Variants in MAP2K2 observed in about 807,000 individuals in gnomAD.
The protein encoded by MAP2K2 is mitogen-activated protein kinase kinase 2.
A neutral mutation model predicts 43.7 loss-of-function variants in MAP2K2; 24 were observed. That is an observed-to-expected ratio of 0.55 (90% CI 0.40 to 0.77). The LOEUF is 0.77. Ranked by LOEUF, MAP2K2 falls within the 30% of genes least tolerant of loss-of-function variation. The probability of loss-of-function intolerance (pLI) is 0.00; values close to 1 mark genes in which losing one functional copy is unlikely to be tolerated. For synonymous variants in MAP2K2, 244 were observed against 239.7 expected, an observed-to-expected ratio of 1.02 and a Z score of -0.17; for missense variants, 470 against 566.8, an observed-to-expected ratio of 0.83 and a Z score of 1.73.
chr19:4,097,328 C>G lies in MAP2K2; in HGVS notation c.935G>C (p.Ser312Thr). Reference protein sequence around the residue: ...GRPVSGHGMDSRPAMAIFELL... With the variant: ...GRPVSGHGMDTRPAMAIFELL... The stretch of plus-strand genomic sequence containing the variant: ...TTCAAAGATGGCCATGGCAGGCCGG[C>G]TATCCATCCCGTGACCTGCACAGGG... Residue 312 changes from serine to threonine, a missense_variant, in exon 8 of 11, where the codon AGC becomes ACC. Ser to Thr is a moderately conservative substitution (Grantham distance 58). This residue lies in a region of MAP2K2 where 212 missense variants were observed against 220.8 expected (regional missense o/e 0.96). Transcript: ENST00000262948. 1 of 1,613,114 alleles carries G rather than the reference C, an allele frequency of 6.2e-7. No homozygotes were observed. The highest frequency in any genetic ancestry group is 8.5e-7 in the Non-Finnish European group (1 of 1,179,824).
chr19:4,092,261 C>A (rs2145038707), intron 10 of MAP2K2, among the ~76,000 whole-genome samples: 1 of 152,260 alleles, frequency 6.6e-6, no homozygotes, highest in East Asian at 1.9e-4. Context: ...TTGGCTAGGT[C>A]CAGGATACCC....
chr19:4,119,477 C>T (rs958429455), intron 1 of MAP2K2, among the ~76,000 whole-genome samples: 9 of 152,150 alleles, frequency 5.9e-5, no homozygotes, highest in Admixed American at 5.2e-4. Context: ...CCACCTTGGC[C>T]TCCCAAAGTG....
At chr19:4,112,258 G>A (rs1211987132) in intron 2 of MAP2K2, among the ~76,000 whole-genome samples, 2 of 152,230 alleles carry the variant, frequency 1.3e-5, no homozygotes, top group African/African-American at 2.4e-5. Flanking sequence ...GGGTCAGGAC[G>A]GGAACAGGAA....
At chr19:4,096,964 T>A (rs1272792629) in intron 8 of MAP2K2, among the ~76,000 whole-genome samples, 2 of 148,988 alleles carry the variant, frequency 1.3e-5, no homozygotes, top group East Asian at 2.0e-4. Context: ...TGCTTGAACC[T>A]GGGAGGCGGA....
chr19:4,097,469 G>A (rs988861355), intron 7 of MAP2K2, 126 bp from the exon 8 acceptor site: 8 of 730,934 alleles, frequency 1.1e-5, no homozygotes, highest in African/African-American at 8.7e-5. Flanking sequence ...AATTGGAGGC[G>A]GGTGTGCAGA....
At chr19:4,120,470 C>A (rs552293841) in intron 1 of MAP2K2, among the ~76,000 whole-genome samples, 4 of 152,142 alleles carry the variant, frequency 2.6e-5, no homozygotes, top group African/African-American at 9.7e-5. Context: ...TGCATCACCG[C>A]GCTCAGCTAA....
rs2041205513 is a variant in MAP2K2 at position 4,115,259 on chromosome 19, G to A, written c.303+2160C>T. On this transcript the variant is annotated intron_variant, in intron 2 of 10. Transcript: ENST00000262948. The surrounding 1 kb of genome is among the most constrained non-coding windows in gnomAD (Gnocchi z 4.1). ...CAGACCACAGAACCTGCCCAGCCAC[G>A]CCTGCCCTCAGGTTCAAAGGCCCCG... is the stretch of plus-strand genomic sequence containing the variant. Among the ~76,000 whole-genome samples the A allele has an allele frequency of 6.6e-6, 1 of 152,180 alleles. No homozygotes were observed. The highest frequency in any genetic ancestry group is 6.5e-5 in the Admixed American group (1 of 15,284).
chr19:4,107,134 C>T (rs1442779521), intron 3 of MAP2K2, among the ~76,000 whole-genome samples: 2 of 152,070 alleles, frequency 1.3e-5, no homozygotes, highest in Non-Finnish European at 2.9e-5. Flanking sequence ...GGTGGCTCAC[C>T]CCTGTAATCC....
At chr19:4,100,662 G>A (rs350910) in intron 6 of MAP2K2, 229,508 of 306,912 alleles carry the variant, frequency 0.75, 86,805 homozygotes, top group East Asian at 0.93. Context: ...CAAAAGATTA[G>A]TAAATTAACA....
intron 2 of MAP2K2, among the ~76,000 whole-genome samples, chr19:4,116,285 CTT>C (rs1395792034): frequency 6.6e-6 from 1 of 152,174 alleles, no homozygotes; most frequent in Non-Finnish European, 1.5e-5. Context: ...AATCCTAGCA[CTT>C]TGGGAGGCCG....
At chr19:4,110,474 G>A (rs2041139309) in intron 3 of MAP2K2, 35 bp downstream of exon 3, 2 of 1,610,184 alleles carry the variant, frequency 1.2e-6, no homozygotes, top group Admixed American at 3.3e-5. Context: ...GTTCCGTGGA[G>A]GCCCTGCCCC....
At chr19:4,123,548 C>T (rs2041327924) in intron 1 of MAP2K2, among the ~76,000 whole-genome samples, 1 of 84,764 alleles carries the variant, frequency 1.2e-5, no homozygotes. Context: ...CCCCGTCCTC[C>T]GAGGGCCCCC....
At chr19:4,091,591 G>A (rs2040855813) in intron 10 of MAP2K2, among the ~76,000 whole-genome samples, 1 of 151,996 alleles carries the variant, frequency 6.6e-6, no homozygotes, top group Admixed American at 6.6e-5. Context: ...GAACTCAAAT[G>A]ATCCTCCTGC....
intron 3 of MAP2K2, 173 bp from the exon 4 acceptor site, chr19:4,102,626 G>C (rs1017145154): frequency 2.2e-6 from 2 of 893,152 alleles, no homozygotes; most frequent in South Asian, 1.5e-5. Context: ...TTCTGCCTTT[G>C]GGTCTGAACA....
chr19:4,120,169 A>G (rs1257329719), intron 1 of MAP2K2, among the ~76,000 whole-genome samples: 2 of 152,212 alleles, frequency 1.3e-5, no homozygotes, highest in Non-Finnish European at 2.9e-5. Context: ...AGTGTCCCCC[A>G]TGAGGGGAAA....
chr19:4,111,975 A>AAAC lies in MAP2K2; in HGVS notation c.304-1323_304-1321dup, dbSNP rs141206687. ...TCTCAAAAAAACCCCCAAAAAAACA[A>AAAC]AACAACAACAACAACAACAACAAAA... On this transcript the variant is annotated intron_variant, in intron 2 of 10. Transcript: ENST00000262948. 9.3e-4 allele frequency among the ~76,000 whole-genome samples: 141 copies of AAAC among 150,896 alleles called. 1 individual carries two copies. In the South Asian group the frequency reaches 0.01, roughly 11 times the overall value.
intron 7 of MAP2K2, among the ~76,000 whole-genome samples, 195 bp from the exon 8 acceptor site, chr19:4,097,538 C>T (rs932237041): frequency 6.6e-6 from 1 of 152,166 alleles, no homozygotes; most frequent in African/African-American, 2.4e-5. Flanking sequence ...ACAGCTACTC[C>T]TTGCCTGAGC....
At chr19:4,104,294 G>C (rs1599293997) in intron 3 of MAP2K2, among the ~76,000 whole-genome samples, 1 of 149,824 alleles carries the variant, frequency 6.7e-6, no homozygotes, top group African/African-American at 2.5e-5. Flanking sequence ...AGCCGCACGT[G>C]GTGGCGCACA....
intron 8 of MAP2K2, among the ~76,000 whole-genome samples, chr19:4,095,851 T>G (rs1403004187): frequency 6.6e-6 from 1 of 152,236 alleles, no homozygotes; most frequent in East Asian, 1.9e-4. Context: ...CTTGGCTCAC[T>G]GCAGCCTCCA....
Sources: allele counts gnomAD v4.1 joint callset (sites outside exome capture counted in the v4.1 genomes callset), GRCh38; gene constraint gnomAD v4.1.1; regional missense constraint gnomAD v4.1.1; non-coding constraint Gnocchi (gnomAD v3.1); transcripts MANE v1.5; gene names NCBI Gene and HGNC (gene_info 2026-07-23, HGNC 2026-07-21).